The following COL9A2 variants were observed in gnomAD, a reference collection of about 807,000 sequenced individuals.
COL9A2 encodes the protein collagen type IX alpha 2 chain.
In COL9A2, 66 loss-of-function variants were observed where a neutral mutation model predicts 111.6. The observed-to-expected ratio is 0.59, with a 90% CI of 0.48 to 0.73. The LOEUF is 0.73. COL9A2 is among the 30% of genes least tolerant of loss of function. The pLI, the probability that COL9A2 is intolerant of heterozygous loss-of-function variation, is 0.00. For missense variants in COL9A2, 881 were observed against 954.1 expected (o/e 0.92, Z 1.01); for synonymous variants, 353 against 364.1 (o/e 0.97, Z 0.35).
At position 40,312,644 on chromosome 1, in the gene COL9A2, G is replaced by A; in HGVS notation, c.304-35C>T. On this transcript the variant is annotated intron_variant, in intron 5 of 31. Coordinates refer to ENST00000372748, the MANE Select transcript of COL9A2 (RefSeq NM_001852.4). The surrounding 1 kb of genome is among the most constrained non-coding windows in gnomAD (Gnocchi z 6.0). ...CAACGAGAAAGGCTCAGAGGCTGGG[G>A]TTTCCCCGGCTCCTACTTCCTCTCT... 1.2e-6 allele frequency: 2 copies of A among 1,611,344 alleles called. No individual in the cohort carries two copies. The highest frequency in any genetic ancestry group is 1.1e-5 in the South Asian group (1 of 90,544).
Position 40,304,116 on chromosome 1 carries a change from G to T in COL9A2, c.1288-17C>A. 1 of 1,548,178 alleles carries T rather than the reference G, an allele frequency of 6.5e-7. No homozygotes were observed. The highest frequency in any genetic ancestry group is 1.2e-5 in the South Asian group (1 of 84,290). On this transcript the variant is annotated splice_polypyrimidine_tract_variant and intron_variant, in intron 24 of 31. Coordinates refer to ENST00000372748, the MANE Select transcript of COL9A2 (RefSeq NM_001852.4). The stretch of plus-strand genomic sequence containing the variant: ...TGGGGAGCCCTGGAGAAAGCGGGCA[G>T]TGAGGGGTTTGGCGAGCTCCCCCCT...
Position 40,311,462 on chromosome 1 carries a change from C to T in COL9A2, c.519+38G>A, listed in dbSNP as rs940473111. On this transcript the variant is annotated intron_variant, in intron 10 of 31. Transcript: ENST00000372748. This position sits in a 1 kb window ranked among gnomAD's most constrained non-coding sequence, Gnocchi z 5.1. ...CGCCTCCCCATCTCTGTGGCCCCGC[C>T]CCCCTGTGTTAGCCCCGCCCCAGAC... The T allele has an allele frequency of 1.3e-6, 2 of 1,584,394 alleles. No homozygotes were observed. Among genetic ancestry groups the T allele is most frequent in the Non-Finnish European group, 1.7e-6 (2 of 1,155,776 alleles).
rs2124054503 is a variant in COL9A2, at chr1:40,304,467, T to G, written c.1215+9A>C. 6.2e-7 allele frequency: 1 copy of G among 1,614,152 alleles called. No individual in the cohort carries two copies. The highest frequency in any genetic ancestry group is 1.7e-5 in the Admixed American group (1 of 60,018). On this transcript the variant is annotated intron_variant, in intron 23 of 31. Coordinates refer to ENST00000372748, the MANE Select transcript of COL9A2 (RefSeq NM_001852.4). The stretch of plus-strand genomic sequence containing the variant: ...GACGCCCTGCCCACCTTAGCTGGCC[T>G]GCACTCACCTGCCTTCCCTGAGGGC...
Position 40,303,489 on chromosome 1 carries a change from C to T in COL9A2, c.1548+41G>A. Reference sequence around the variant, plus strand: ...GGGTAAGCCGCACCCCAGAACAGATCTACCTAGAAGAAGCACCTCCTACCC... The same window carrying T: ...GGGTAAGCCGCACCCCAGAACAGATTTACCTAGAAGAAGCACCTCCTACCC... On this transcript the variant is annotated intron_variant, in intron 28 of 31. Coordinates refer to ENST00000372748, the MANE Select transcript of COL9A2 (RefSeq NM_001852.4). This position sits in a 1 kb window ranked among gnomAD's most constrained non-coding sequence, Gnocchi z 4.6. The T allele has an allele frequency of 6.2e-7, 1 of 1,612,008 alleles. No individual in the cohort carries two copies. The highest frequency in any genetic ancestry group is 8.5e-7 in the Non-Finnish European group (1 of 1,179,598).
intron 4 of COL9A2, among the ~76,000 whole-genome samples, chr1:40,313,696 G>A (rs540885432): frequency 6.6e-6 from 1 of 152,172 alleles, no homozygotes. Context: ...GACTGACCCA[G>A]TGTAACCCCC....
rs1342269608 is a variant in COL9A2 at position 40,312,089 on chromosome 1, G to A, written c.387C>T (p.Leu129=). The A allele has an allele frequency of 6.2e-7, 1 of 1,602,524 alleles. No individual in the cohort carries two copies. Among genetic ancestry groups the A allele is most frequent in the African/African-American group, 1.3e-5 (1 of 74,882 alleles). The change falls in exon 8 of 32, where the codon CTC becomes CTT. Residue 129 remains leucine (L), a synonymous_variant. Coordinates refer to ENST00000372748, the MANE Select transcript of COL9A2 (RefSeq NM_001852.4). This position sits in a 1 kb window ranked among gnomAD's most constrained non-coding sequence, Gnocchi z 6.0. ...GGCCTCGGATTCCAATCTCACCAGG[G>A]AGGCCAACAGGTCCAGGAGGCCCCT... ...GPPGPPGPVG[L]PGEIGIRGPK...
chr1:40,304,935 C>T (rs1215381900), intron 21 of COL9A2, 88 bp from the exon 22 acceptor site: 7 of 1,189,660 alleles, frequency 5.9e-6, no homozygotes, highest in Non-Finnish European at 8.3e-6. Context: ...CCCTGGGTCT[C>T]AGCTAATTTG....
rs983261788 is a variant in COL9A2, at chr1:40,304,489, G to A, written c.1202C>T (p.Pro401Leu). ...GCCTGCACTCACCTGCCTTCCCTGAGGGCCTGGTTGCCCCACTGGACCCCT... is the reference window on the plus strand; with the variant it reads ...GCCTGCACTCACCTGCCTTCCCTGAAGGCCTGGTTGCCCCACTGGACCCCT... ...GERGPVGQPG[P>L]QGRQGPKGEQ... Residue 401 changes from proline (P) to leucine (L), a missense_variant, in exon 23 of 32, where the codon CCT becomes CTT. By Grantham distance (98) the Pro-to-Leu change is moderately conservative. Transcript: ENST00000372748. 3.7e-6 allele frequency: 6 copies of A among 1,614,150 alleles called. No homozygotes were observed. Among genetic ancestry groups the A allele is most frequent in the African/African-American group, 1.3e-5 (1 of 75,036 alleles).
rs181214237 is a variant in COL9A2 at position 40,311,760 on chromosome 1, C to A, written c.418-45G>T. The A allele has an allele frequency of 5.3e-5, 84 of 1,596,992 alleles. No homozygotes were observed. The highest frequency in any genetic ancestry group is 6.8e-5 in the Non-Finnish European group (79 of 1,165,484). ...AAATCATACCCCTGACCAGCCCTTACCAGCTTACCCTAGTGCCCTCCTCCA... is the reference window on the plus strand; with the variant it reads ...AAATCATACCCCTGACCAGCCCTTAACAGCTTACCCTAGTGCCCTCCTCCA... On this transcript the variant is annotated intron_variant, in intron 8 of 31. Coordinates refer to ENST00000372748, the MANE Select transcript of COL9A2 (RefSeq NM_001852.4). This position sits in a 1 kb window ranked among gnomAD's most constrained non-coding sequence, Gnocchi z 5.1.
chr1:40,301,138 C>A lies in COL9A2; in HGVS notation c.*44G>T. 6.2e-7 allele frequency: 1 copy of A among 1,605,718 alleles called. No homozygotes were observed. Among genetic ancestry groups the A allele is most frequent in the South Asian group, 1.1e-5 (1 of 90,648 alleles). Reference sequence around the variant, plus strand: ...CATGTCCACCCAGAGGGGACCTGGTCCTTCCCGCCAGGATGCCTGCCAGGC... The same window carrying A: ...CATGTCCACCCAGAGGGGACCTGGTACTTCCCGCCAGGATGCCTGCCAGGC... On this transcript the variant is annotated 3_prime_UTR_variant, in exon 32 of 32. Transcript: ENST00000372748.
chr1:40,315,896 C>A, intron 1 of COL9A2: 2 of 457,406 alleles, frequency 4.4e-6, no homozygotes, highest in East Asian at 3.5e-5. Flanking sequence ...AGTTTGCAGT[C>A]GAAGAAACTG....
At position 40,300,515 on chromosome 1, in the gene COL9A2, C is replaced by T. The variant is rs1643900736; in HGVS notation, c.*667G>A. 6.6e-6 allele frequency: 1 copy of T among 152,292 alleles called. No individual in the cohort carries two copies. Among genetic ancestry groups the T allele is most frequent in the South Asian group, 2.1e-4 (1 of 4,842 alleles). The allele number at this position is 152,292 out of a possible 1,614,324, so 9.4% of individuals were successfully genotyped here. ...CCTAGTTAACTCCAGGATAGAGTAA[C>T]TCCAATATCCTGGTTTGTACCCAAC... is the stretch of plus-strand genomic sequence containing the variant. On this transcript the variant is annotated 3_prime_UTR_variant, in exon 32 of 32. Coordinates refer to ENST00000372748, the MANE Select transcript of COL9A2 (RefSeq NM_001852.4). The surrounding 1 kb of genome is among the most constrained non-coding windows in gnomAD (Gnocchi z 4.4).
chr1:40,312,337 T>C lies in COL9A2; in HGVS notation c.363+119A>G. The C allele has an allele frequency of 7.1e-7, 1 of 1,413,546 alleles. No homozygotes were observed. The highest frequency in any genetic ancestry group is 9.8e-7 in the Non-Finnish European group (1 of 1,021,050). The allele number at this position is 1,413,546 out of a possible 1,614,324, so 87.6% of individuals were successfully genotyped here. A position where few individuals can be genotyped will look rare whatever the true frequency, so the allele number is the denominator to read the frequency against. ...CTGGGTCTCTGGCAGGTCCACTTAT[T>C]CCTGACACTATCACAGCAAGCTGGC... On this transcript the variant is annotated intron_variant, in intron 7 of 31. Transcript: ENST00000372748. This position sits in a 1 kb window ranked among gnomAD's most constrained non-coding sequence, Gnocchi z 6.0.
chr1:40,301,737 G>A (rs1643917593), intron 31 of COL9A2, 75 bp downstream of exon 31: 3 of 1,403,906 alleles, frequency 2.1e-6, no homozygotes, highest in Non-Finnish European at 2.0e-6. Context: ...CGCCATGGAG[G>A]AGACCGCAGT....
intron 16 of COL9A2, among the ~76,000 whole-genome samples, 168 bp downstream of exon 16, chr1:40,309,770 T>G (rs543675684): frequency 6.6e-6 from 1 of 150,910 alleles, no homozygotes; most frequent in African/African-American, 2.4e-5. Flanking sequence ...ACACATACAC[T>G]CATATACACA....
chr1:40,307,657 C>T lies in COL9A2; in HGVS notation c.954+46G>A, dbSNP rs1331004309. On this transcript the variant is annotated intron_variant, in intron 18 of 31. Coordinates refer to ENST00000372748, the MANE Select transcript of COL9A2 (RefSeq NM_001852.4). The surrounding 1 kb of genome is among the most constrained non-coding windows in gnomAD (Gnocchi z 4.8). Reference sequence around the variant, plus strand: ...CTCTTGGTGTCTAGAATCCAGGACTCAAGGTCCTGCCCCTGCCCCAGTCCC... The same window carrying T: ...CTCTTGGTGTCTAGAATCCAGGACTTAAGGTCCTGCCCCTGCCCCAGTCCC... 2 of 1,608,682 alleles carry T rather than the reference C, an allele frequency of 1.2e-6. No individual in the cohort carries two copies. The highest frequency in any genetic ancestry group is 3.3e-5 in the Admixed American group (2 of 59,786).
chr1:40,300,833 G>GTCCC lies in COL9A2; in HGVS notation c.*345_*348dup. On this transcript the variant is annotated 3_prime_UTR_variant, in exon 32 of 32. Transcript: ENST00000372748. The surrounding 1 kb of genome is among the most constrained non-coding windows in gnomAD (Gnocchi z 4.4). ...GGCCCGGGCCTCCCGAGGTGCCCAT[G>GTCCC]TCCCACTGACCCAAGGACAAGATGG... 1 of 241,852 alleles carries GTCCC rather than the reference G, an allele frequency of 4.1e-6. No homozygotes were observed. The highest frequency in any genetic ancestry group is 1.6e-3 in the Middle Eastern group (1 of 628). 15.0% of individuals were successfully genotyped at this position (241,852 alleles called of 1,614,324 possible). A position where few individuals can be genotyped will look rare whatever the true frequency, so the allele number is the denominator to read the frequency against.
At position 40,317,008 on chromosome 1, in the gene COL9A2, G is replaced by A; in HGVS notation, c.75+115C>T. 9.6e-7 allele frequency: 1 copy of A among 1,044,778 alleles called. No individual in the cohort carries two copies. Among genetic ancestry groups the A allele is most frequent in the Non-Finnish European group, 1.5e-6 (1 of 686,132 alleles). 64.7% of individuals were successfully genotyped at this position (1,044,778 alleles called of 1,614,324 possible). On this transcript the variant is annotated intron_variant, in intron 1 of 31. Coordinates refer to ENST00000372748, the MANE Select transcript of COL9A2 (RefSeq NM_001852.4). The surrounding 1 kb of genome is among the most constrained non-coding windows in gnomAD (Gnocchi z 4.3). ...GGACCTGCCCGCGGCGCTGTCCTCA[G>A]GTGGCCTCTCGGGCTAGGGGTGTCA...
rs1644143921 is a variant in COL9A2 at position 40,312,371 on chromosome 1, A to G, written c.363+85T>C. On this transcript the variant is annotated intron_variant, in intron 7 of 31. Coordinates refer to ENST00000372748, the MANE Select transcript of COL9A2 (RefSeq NM_001852.4). The surrounding 1 kb of genome is among the most constrained non-coding windows in gnomAD (Gnocchi z 6.0). ...TATCACAGCAAGCTGGCTCCTTCCC[A>G]TGGTGGCCATTCCCTCGAAGCCTTT... 1 of 1,544,784 alleles carries G rather than the reference A, an allele frequency of 6.5e-7. No homozygotes were observed. The highest frequency in any genetic ancestry group is 1.2e-5 in the South Asian group (1 of 85,970).
Sources: gnomAD v4.1 joint callset for allele counts (sites outside exome capture counted in the v4.1 genomes callset) on GRCh38, gnomAD v4.1.1 for gene constraint, Gnocchi (gnomAD v3.1) non-coding constraint, MANE v1.5 for transcripts, NCBI Gene and HGNC (gene_info 2026-07-23, HGNC 2026-07-21) for gene names.